The following SSH1 variants were observed in gnomAD, a reference collection of about 807,000 sequenced individuals.
SSH1 encodes slingshot protein phosphatase 1, also known as protein phosphatase Slingshot homolog 1.
In SSH1, 43 loss-of-function variants were observed where a neutral mutation model predicts 79.7. That is an observed-to-expected ratio of 0.54 (90% confidence interval 0.42 to 0.70). The LOEUF is 0.70. Ranked by LOEUF, SSH1 falls within the 30% of genes least tolerant of loss-of-function variation. The probability of loss-of-function intolerance (pLI) is 0.00; values close to 1 mark genes in which losing one functional copy is unlikely to be tolerated. For missense variants in SSH1, 1,206 were observed against 1,358.8 expected (o/e 0.89, Z 1.77); for synonymous variants, 599 against 538.3 (o/e 1.11, Z -1.56).
intron 8 of SSH1, among the ~76,000 whole-genome samples, chr12:108,806,721 G>C (rs1480213810): frequency 6.6e-6 from 1 of 152,190 alleles, no homozygotes; most frequent in Non-Finnish European, 1.5e-5. Context: ...GTCTCTGCTC[G>C]AACACGTGTG....
chr12:108,830,640 G>A (rs1403240493), intron 2 of SSH1, among the ~76,000 whole-genome samples: 1 of 152,116 alleles, frequency 6.6e-6, no homozygotes, highest in Non-Finnish European at 1.5e-5. Flanking sequence ...GCAATAAAGG[G>A]AGGTCATGCT....
intron 2 of SSH1, among the ~76,000 whole-genome samples, chr12:108,828,422 T>A (rs2038385846): frequency 6.6e-6 from 1 of 152,190 alleles, no homozygotes; most frequent in Non-Finnish European, 1.5e-5. Context: ...GCTGTTCTAC[T>A]CATCCAGAAT....
At chr12:108,833,276 T>C (rs528215802) in intron 2 of SSH1, among the ~76,000 whole-genome samples, 11 of 152,172 alleles carry the variant, frequency 7.2e-5, no homozygotes, top group African/African-American at 2.4e-4. Flanking sequence ...CTGGAGCTAA[T>C]GCATCTTCCT....
At chr12:108,827,556 CT>C (rs2038356950) in intron 2 of SSH1, 1 of 1,277,792 alleles carries the variant, frequency 7.8e-7, no homozygotes, top group East Asian at 3.0e-5. Context: ...GAAAAAGGCC[CT>C]TGTCCCAGCA....
chr12:108,842,103 T>G (rs933264276), intron 2 of SSH1, among the ~76,000 whole-genome samples: 3 of 151,862 alleles, frequency 2.0e-5, no homozygotes, highest in East Asian at 3.9e-4. Context: ...TACTCCAGTC[T>G]GGGCAACAGA....
At chr12:108,803,993 G>A (rs2037149001) in intron 10 of SSH1, among the ~76,000 whole-genome samples, 1 of 152,034 alleles carries the variant, frequency 6.6e-6, no homozygotes, top group South Asian at 2.1e-4. Flanking sequence ...AGCTTTCCCA[G>A]GAAGCACTTT....
intron 5 of SSH1, among the ~76,000 whole-genome samples, chr12:108,813,029 T>C (rs2037696174): frequency 6.6e-6 from 1 of 151,934 alleles, no homozygotes; most frequent in South Asian, 2.1e-4. Context: ...TGCCCAGCTT[T>C]TTAAAAAAAA....
At chr12:108,809,582 C>T in intron 7 of SSH1, 111 bp downstream of exon 7, 2 of 909,440 alleles carry the variant, frequency 2.2e-6, no homozygotes, top group Non-Finnish European at 3.7e-6. Context: ...TTTGCGCCTC[C>T]CTCAACATGC....
Position 108,792,609 on chromosome 12 carries a change from C to T in SSH1, c.1570G>A (p.Asp524Asn), listed in dbSNP as rs1261063177. The part of the protein sequence containing the change: ...LSDPLLPSPE[D>N]ETGSLVHLED... Reference sequence around the variant, plus strand: ...AGGTGGACCAAGCTGCCAGTTTCATCCTCAGGGGAAGGCAGAAGGGGGTCT... The same window carrying T: ...AGGTGGACCAAGCTGCCAGTTTCATTCTCAGGGGAAGGCAGAAGGGGGTCT... Residue 524 changes from aspartate to asparagine, a missense_variant, in exon 14 of 15, where the codon GAT becomes AAT. Transcript: ENST00000326495. 19 of 1,612,364 alleles carry T rather than the reference C, an allele frequency of 1.2e-5. No individual in the cohort carries two copies. Among genetic ancestry groups the T allele is most frequent in the African/African-American group, 6.7e-5 (5 of 74,890 alleles).
At chr12:108,789,342 T>C in intron 14 of SSH1, 98 bp from the exon 15 acceptor site, 2 of 1,284,788 alleles carry the variant, frequency 1.6e-6, no homozygotes, top group Non-Finnish European at 2.2e-6. Flanking sequence ...GAGGCCGGAC[T>C]GGGGGCCAGG....
At chr12:108,848,788 G>A (rs970524870) in intron 2 of SSH1, among the ~76,000 whole-genome samples, 4 of 152,052 alleles carry the variant, frequency 2.6e-5, no homozygotes, top group Non-Finnish European at 5.9e-5. Flanking sequence ...CCCTAAATGA[G>A]AACACAGGTC....
intron 3 of SSH1, among the ~76,000 whole-genome samples, chr12:108,822,371 C>A (rs1007031838): frequency 6.6e-6 from 1 of 152,106 alleles, no homozygotes; most frequent in Non-Finnish European, 1.5e-5. Context: ...TGGGTTCAAG[C>A]GAGATCTGCC....
intron 13 of SSH1, among the ~76,000 whole-genome samples, chr12:108,796,211 C>A (rs1460845444): frequency 1.3e-5 from 2 of 152,190 alleles, no homozygotes; most frequent in African/African-American, 2.4e-5. Flanking sequence ...CCACCACACC[C>A]GGCCTCATCT....
At chr12:108,808,954 C>T (rs550457594) in intron 7 of SSH1, among the ~76,000 whole-genome samples, 213 of 151,184 alleles carry the variant, frequency 1.4e-3, no homozygotes, top group African/African-American at 4.9e-3. Context: ...TTGCCTCAGC[C>T]TCCTGAGTAG....
chr12:108,843,786 C>T (rs564429718), intron 2 of SSH1, among the ~76,000 whole-genome samples: 1 of 152,276 alleles, frequency 6.6e-6, no homozygotes, highest in Admixed American at 6.5e-5. Flanking sequence ...CCGCCCGCCT[C>T]GGCCTCCCAA....
chr12:108,804,255 G>A (rs2037162826), intron 10 of SSH1, among the ~76,000 whole-genome samples: 1 of 152,130 alleles, frequency 6.6e-6, no homozygotes, highest in Non-Finnish European at 1.5e-5. Flanking sequence ...CATCCCTTGG[G>A]GTATAGGATG....
rs181058915 is a variant in SSH1 at position 108,794,254 on chromosome 12, G to A, written c.1350-1425C>T. On this transcript the variant is annotated intron_variant, in intron 13 of 14. Transcript: ENST00000326495. ...GGAAAGGGAACCGGGAGAAAGTGCC[G>A]CCCAGGCTCTGGGCTTCCAACTTGA... 5.4e-3 allele frequency among the ~76,000 whole-genome samples: 825 copies of A among 152,326 alleles called. 2 individuals are homozygous for A. The highest frequency in any genetic ancestry group is 8.4e-3 in the Non-Finnish European group (569 of 68,028).
chr12:108,834,034 T>A (rs2038537110), intron 2 of SSH1: 1 of 152,240 alleles, frequency 6.6e-6, no homozygotes, highest in African/African-American at 2.4e-5. Flanking sequence ...TTGTGCTAAC[T>A]CTCTATGGGT....
chr12:108,791,996 T>C (rs2136977775), intron 14 of SSH1: 1 of 1,333,804 alleles, frequency 7.5e-7, no homozygotes, highest in East Asian at 2.7e-5. Context: ...GCCCAGGGTA[T>C]GAATAAGGTA....
Sources: allele counts gnomAD v4.1 joint callset (sites outside exome capture counted in the v4.1 genomes callset), GRCh38; gene constraint gnomAD v4.1.1; transcripts MANE v1.5; gene names NCBI Gene and HGNC (gene_info 2026-07-23, HGNC 2026-07-21).